SCO1: variants seen among roughly 807,000 people sequenced by gnomAD.
SCO1 encodes the protein cytochrome c oxidase assembly factor SCO1.
In SCO1, 23 loss-of-function variants were observed where a neutral mutation model predicts 34.0. The observed-to-expected ratio is 0.68, with a 90% CI of 0.49 to 0.96. SCO1 has a LOEUF of 0.96. Ranked by LOEUF, SCO1 falls within the 40% of genes least tolerant of loss-of-function variation. SCO1 has a pLI of 0.00. For synonymous variants in SCO1, 161 were observed against 145.5 expected (o/e 1.11, Z -0.77); for missense variants, 404 against 381.6 (o/e 1.06, Z -0.49).
At position 10,674,242 on chromosome 17, in the gene SCO1, CTGTT is replaced by C. The variant is rs199777858; in HGVS notation, c.*6873_*6876del. ...CCAGCCTGGCCAACATGGCGAGATC[CTGTT>C]TCTACTAAAAATACAAAAATTACCA... On this transcript the variant is annotated 3_prime_UTR_variant, in exon 6 of 6. Transcript: ENST00000255390. 1,282 of 161,374 alleles carry C rather than the reference CTGTT, an allele frequency of 7.9e-3. 18 individuals are homozygous for C. The highest frequency in any genetic ancestry group is 0.029 in the African/African-American group (1,208 of 41,594). The allele number at this position is 161,374 out of a possible 1,614,324, so 10.0% of individuals were successfully genotyped here.
Position 10,686,652 on chromosome 17 carries a change from T to C in SCO1, c.771+75A>G. On this transcript the variant is annotated intron_variant, in intron 5 of 5. Coordinates refer to ENST00000255390, the MANE Select transcript of SCO1 (RefSeq NM_004589.4). Reference sequence around the variant, plus strand: ...GGTATTCTCTCTTCTCAGAAGCTAGTCAGTCATTGAAAGCCTTATGACTAT... The same window carrying C: ...GGTATTCTCTCTTCTCAGAAGCTAGCCAGTCATTGAAAGCCTTATGACTAT... 4.5e-6 allele frequency: 4 copies of C among 882,406 alleles called. No individual in the cohort carries two copies. In the South Asian group the frequency reaches 5.2e-5, roughly 12 times the overall value. The allele number at this position is 882,406 out of a possible 1,614,324, so 54.7% of individuals were successfully genotyped here. A position where few individuals can be genotyped will look rare whatever the true frequency, so the allele number is the denominator to read the frequency against.
rs554639987 is a variant in SCO1, at chr17:10,680,700, T to G, written c.*419A>C. On this transcript the variant is annotated 3_prime_UTR_variant, in exon 6 of 6. Transcript: ENST00000255390. ...CTCAAGAAGAGGCAAGCAAGAGCAC[T>G]ATGGAAATTATATTCTTTTCTGTGA... The G allele has an allele frequency of 3.4e-5, 8 of 238,334 alleles. No homozygotes were observed. The highest frequency in any genetic ancestry group is 5.9e-5 in the Non-Finnish European group (7 of 119,630). 14.8% of individuals were successfully genotyped at this position (238,334 alleles called of 1,614,324 possible). A position where few individuals can be genotyped will look rare whatever the true frequency, so the allele number is the denominator to read the frequency against.
intron 5 of SCO1, 120 bp downstream of exon 5, chr17:10,686,607 A>C: frequency 4.0e-6 from 3 of 757,238 alleles, no homozygotes. Context: ...AAAATTCCTA[A>C]GGACTTTGCA....
In SCO1 at chr17:10,672,808, T is replaced by C. The variant is rs976362082; in HGVS notation, c.*8311A>G. 1.3e-5 allele frequency: 2 copies of C among 152,216 alleles called. No homozygotes were observed. Among genetic ancestry groups the C allele is most frequent in the African/African-American group, 4.8e-5 (2 of 41,462 alleles). The allele number at this position is 152,216 out of a possible 1,614,324, so 9.4% of individuals were successfully genotyped here. On this transcript the variant is annotated 3_prime_UTR_variant, in exon 6 of 6. Transcript: ENST00000255390. ...CCCCTGGATCTGAGTCATTATTACA[T>C]TGATTCTATTTATTATAGATTCTGT...
chr17:10,691,519 A>G (rs1387038187), intron 4 of SCO1, among the ~76,000 whole-genome samples: 1 of 152,226 alleles, frequency 6.6e-6, no homozygotes, highest in Non-Finnish European at 1.5e-5. Flanking sequence ...CTTCCAGAAT[A>G]TATGTTTGTT....
intron 5 of SCO1, among the ~76,000 whole-genome samples, chr17:10,684,420 A>T (rs1180462467): frequency 6.6e-6 from 1 of 152,250 alleles, no homozygotes; most frequent in Non-Finnish European, 1.5e-5. Context: ...TATTTTAAAT[A>T]GAAAATGCAG....
rs990149665 is a variant in SCO1, at chr17:10,677,668, G to C, written c.*3451C>G. The C allele has an allele frequency of 1.3e-5, 2 of 152,318 alleles. No homozygotes were observed. The highest frequency in any genetic ancestry group is 4.8e-5 in the African/African-American group (2 of 41,574). 9.4% of individuals were successfully genotyped at this position (152,318 alleles called of 1,614,324 possible). On this transcript the variant is annotated 3_prime_UTR_variant, in exon 6 of 6. Transcript: ENST00000255390. ...ATATCAGCTGCTTCATGAACAGCCA[G>C]ACACATGAATACATTCATGCCTACT...
Position 10,686,831 on chromosome 17 carries a change from T to C in SCO1, c.667A>G (p.Lys223Glu). The C allele has an allele frequency of 6.2e-7, 1 of 1,611,388 alleles. No individual in the cohort carries two copies. Among genetic ancestry groups the C allele is most frequent in the Non-Finnish European group, 8.5e-7 (1 of 1,177,544 alleles). ...CTCGTGCCAGTCAAGCCAACCAGTT[T>C]GGGAGAAAATTCTAAATAAAAAATG... is the stretch of plus-strand genomic sequence containing the variant. ...IANYVKEFSPKLVGLTGTREE... is the reference protein window; with the variant it reads ...IANYVKEFSPELVGLTGTREE... The change falls in exon 5 of 6, where the codon AAA (lysine) becomes GAA (glutamate). Residue 223 changes from lysine (K) to glutamate (E), a missense_variant. Lys to Glu is a moderately conservative substitution (Grantham distance 56, BLOSUM62 1). Coordinates refer to ENST00000255390, the MANE Select transcript of SCO1 (RefSeq NM_004589.4).
At chr17:10,689,194 A>G (rs1442361686) in intron 4 of SCO1, among the ~76,000 whole-genome samples, 1 of 151,990 alleles carries the variant, frequency 6.6e-6, no homozygotes, top group Non-Finnish European at 1.5e-5. Context: ...TAACAAAGGC[A>G]AAGGAAAACT....
rs2074555600 is a variant in SCO1, at chr17:10,672,925, CAAA to C, written c.*8191_*8193del. ...ATGCTGAGTAGATACATAAAACACT[CAAA>C]AGAGAGTTGAAGTTTAGGTGCACTA... On this transcript the variant is annotated 3_prime_UTR_variant, in exon 6 of 6. Transcript: ENST00000255390. The C allele has an allele frequency of 6.6e-6, 1 of 152,042 alleles. No homozygotes were observed. The highest frequency in any genetic ancestry group is 2.1e-4 in the South Asian group (1 of 4,824). The allele number at this position is 152,042 out of a possible 1,614,324, so 9.4% of individuals were successfully genotyped here. A position where few individuals can be genotyped will look rare whatever the true frequency, so the allele number is the denominator to read the frequency against.
chr17:10,684,785 T>C (rs2074644855), intron 5 of SCO1, among the ~76,000 whole-genome samples: 1 of 152,232 alleles, frequency 6.6e-6, no homozygotes, highest in Non-Finnish European at 1.5e-5. Flanking sequence ...CAACTCTCTA[T>C]AAAGACAGAA....
chr17:10,693,017 A>G (rs1162779445), intron 2 of SCO1, 56 bp from the exon 3 acceptor site: 20 of 1,480,636 alleles, frequency 1.4e-5, no homozygotes, highest in Non-Finnish European at 1.8e-5. Context: ...AACCAGAGGT[A>G]CTCAAATACC....
chr17:10,690,733 A>AT (rs1597508945), intron 4 of SCO1, among the ~76,000 whole-genome samples: 1 of 152,238 alleles, frequency 6.6e-6, no homozygotes, highest in Non-Finnish European at 1.5e-5. Context: ...AGGCGTCTGC[A>AT]TTCCTATGTT....
At chr17:10,693,581 T>A (rs1252301300) in intron 2 of SCO1, among the ~76,000 whole-genome samples, 3 of 152,160 alleles carry the variant, frequency 2.0e-5, no homozygotes, top group Non-Finnish European at 4.4e-5. Flanking sequence ...ATATATCTAT[T>A]TTCTCACCAT....
chr17:10,695,521 C>T (rs1401296883), intron 2 of SCO1: 1 of 498,648 alleles, frequency 2.0e-6, no homozygotes, highest in Non-Finnish European at 3.6e-6. Context: ...AGTTGTGTGC[C>T]ATTTAAAATT....
At position 10,677,982 on chromosome 17, in the gene SCO1, G is replaced by C. The variant is rs2074593216; in HGVS notation, c.*3137C>G. The C allele has an allele frequency of 6.6e-6, 1 of 152,362 alleles. No individual in the cohort carries two copies. The highest frequency in any genetic ancestry group is 6.5e-5 in the Admixed American group (1 of 15,280). The allele number at this position is 152,362 out of a possible 1,614,324, so 9.4% of individuals were successfully genotyped here. Reference sequence around the variant, plus strand: ...AATACAAAATTAGCCGGGTGTGGTGGCACATGCTTGTAATCCCAGCTACTT... The same window carrying C: ...AATACAAAATTAGCCGGGTGTGGTGCCACATGCTTGTAATCCCAGCTACTT... On this transcript the variant is annotated 3_prime_UTR_variant, in exon 6 of 6. Coordinates refer to ENST00000255390, the MANE Select transcript of SCO1 (RefSeq NM_004589.4).
At chr17:10,685,107 G>A (rs537490627) in intron 5 of SCO1, among the ~76,000 whole-genome samples, 1 of 152,264 alleles carries the variant, frequency 6.6e-6, no homozygotes, top group Admixed American at 6.5e-5. Context: ...AGGTTCAAAG[G>A]GACAAAGAAA....
At chr17:10,689,115 CAAAAAAAA>C (rs556558488) in intron 4 of SCO1, among the ~76,000 whole-genome samples, 4 of 67,914 alleles carry the variant, frequency 5.9e-5, no homozygotes, top group African/African-American at 1.5e-4. Flanking sequence ...GACTCCGTCT[CAAAAAAAA>C]AAAAAAAAAA....
At chr17:10,685,083 G>A (rs1056917960) in intron 5 of SCO1, among the ~76,000 whole-genome samples, 1 of 152,156 alleles carries the variant, frequency 6.6e-6, no homozygotes, top group Non-Finnish European at 1.5e-5. Context: ...AGGCTCCAGG[G>A]GCACACACGT....
Sources: gnomAD v4.1 joint callset for allele counts (sites outside exome capture counted in the v4.1 genomes callset) on GRCh38, gnomAD v4.1.1 for gene constraint, MANE v1.5 for transcripts, NCBI Gene and HGNC (gene_info 2026-07-23, HGNC 2026-07-21) for gene names.